Variants in MYO18B observed in about 807,000 individuals in gnomAD.
MYO18B encodes the protein myosin XVIIIB, also known as unconventional myosin-XVIIIb.
In MYO18B, 204 loss-of-function variants were observed where a neutral mutation model predicts 273.0. The ratio of observed to expected loss-of-function variants is 0.75; its 90% CI spans 0.67 to 0.84. MYO18B has a LOEUF of 0.84. MYO18B is among the 40% of genes least tolerant of loss of function. MYO18B has a pLI of 0.00. For missense variants in MYO18B, 3,212 were observed against 3,287.6 expected, an observed-to-expected ratio of 0.98 and a Z score of 0.56; for synonymous variants, 1,330 against 1,305.7, an observed-to-expected ratio of 1.02 and a Z score of -0.40.
chr22:25,768,924 C>T lies in MYO18B; in HGVS notation c.1008C>T (p.Asp336=), dbSNP rs767233606. ...GGGACGGTCCCCAGAATAAGAAGGA[C>T]AAAGAAGGGGTGCTCTTAAGTAAGG... ...SKWDGPQNKK[D]KEGVLLSKAE... is the part of the protein sequence containing the mutation. Residue 336 remains aspartate, a synonymous_variant, in exon 4 of 44, where the codon GAC becomes GAT. Transcript: ENST00000335473. 1.2e-6 allele frequency: 2 copies of T among 1,612,354 alleles called. No individual in the cohort carries two copies. The highest frequency in any genetic ancestry group is 4.5e-5 in the East Asian group (2 of 44,854).
In MYO18B at chr22:25,768,609, G is replaced by A. The variant is rs371846989; in HGVS notation, c.693G>A (p.Leu231=). The A allele has an allele frequency of 1.2e-5, 18 of 1,525,542 alleles. No homozygotes were observed. The highest frequency in any genetic ancestry group is 2.2e-5 in the Admixed American group (1 of 44,452). 94.5% of individuals were successfully genotyped at this position (1,525,542 alleles called of 1,614,324 possible). A position where few individuals can be genotyped will look rare whatever the true frequency, so the allele number is the denominator to read the frequency against. ...ACCCAGGCCAAGGAACTGTGGCACT[G>A]AAAAAAGGCGAGGAGGGTCAAAGCA... The part of the protein sequence containing the change: ...LGDPGQGTVA[L]KKGEEGQSIV... The change falls in exon 4 of 44, where the codon CTG becomes CTA. Residue 231 remains leucine, a synonymous_variant. Coordinates refer to ENST00000335473, the MANE Select transcript of MYO18B (RefSeq NM_032608.7).
Position 25,846,279 on chromosome 22 carries a change from A to C in MYO18B, c.3548A>C (p.Gln1183Pro), listed in dbSNP as rs1355752028. 20 of 1,611,326 alleles carry C rather than the reference A, an allele frequency of 1.2e-5. No homozygotes were observed. The highest frequency in any genetic ancestry group is 1.6e-5 in the Non-Finnish European group (19 of 1,179,744). Reference protein sequence around the residue: ...RKAPCSQIKLQMDALTSMIKR... With the variant: ...RKAPCSQIKLPMDALTSMIKR... ...GCCCCGTGCTCCCAGATCAAGCTGC[A>C]GATGGTGAGTGGGCACCCTGTCTCA... Residue 1183 changes from glutamine to proline, a missense_variant, in exon 19 of 44, where the codon CAG (glutamine) becomes CCG (proline). Gln to Pro is a moderately conservative substitution (Grantham distance 76). Transcript: ENST00000335473.
At position 25,768,374 on chromosome 22, in the gene MYO18B, T is replaced by C; in HGVS notation, c.458T>C (p.Val153Ala). Residue 153 changes from valine (V) to alanine (A), a missense_variant, in exon 4 of 44, where the codon GTG (valine) becomes GCG (alanine). Physicochemically the swap from Val to Ala is moderately conservative, Grantham distance 64. Transcript: ENST00000335473. Reference sequence around the variant, plus strand: ...AAGAGGGGCGTGAGGAGGGGTGATGTGTTGTTGATGGTGGCCAAGCTGGAC... The same window carrying C: ...AAGAGGGGCGTGAGGAGGGGTGATGCGTTGTTGATGGTGGCCAAGCTGGAC... Reference protein sequence around the residue: ...PFKRGVRRGDVLLMVAKLDPD... With the variant: ...PFKRGVRRGDALLMVAKLDPD... The C allele has an allele frequency of 6.2e-7, 1 of 1,613,120 alleles. No individual in the cohort carries two copies. Among genetic ancestry groups the C allele is most frequent in the Non-Finnish European group, 8.5e-7 (1 of 1,179,626 alleles).
intron 31 of MYO18B, among the ~76,000 whole-genome samples, chr22:25,904,686 GTACT>G (rs1432758345): frequency 3.3e-5 from 5 of 152,124 alleles, no homozygotes; most frequent in Non-Finnish European, 7.4e-5. Context: ...GCTTATTTAT[GTACT>G]TACTTATTTA....
At chr22:26,045,089 A>G in the MYO18B span, among the ~76,000 whole-genome samples, 2 of 151,240 alleles carry the variant, frequency 1.3e-5, no homozygotes, top group Non-Finnish European at 2.9e-5. Flanking sequence ...TTTTTTGCAA[A>G]CAGAATGAGG....
At chr22:25,761,379 A>AGGT in intron 2 of MYO18B, among the ~76,000 whole-genome samples, 36 of 151,400 alleles carry the variant, frequency 2.4e-4, no homozygotes, top group East Asian at 7.8e-4. Context: ...CCTGTTCCAC[A>AGGT]GGTGGTGGTG....
intron 27 of MYO18B, among the ~76,000 whole-genome samples, chr22:25,892,042 A>C (rs2091676038): frequency 6.6e-6 from 1 of 152,156 alleles, no homozygotes; most frequent in Non-Finnish European, 1.5e-5. Context: ...AATTTTGAGG[A>C]AGGCTGTCTA....
At chr22:26,021,439 C>T (rs756158159) in intron 42 of MYO18B, among the ~76,000 whole-genome samples, 30 of 152,208 alleles carry the variant, frequency 2.0e-4, no homozygotes, top group Non-Finnish European at 7.3e-5. Context: ...GCAATTCACT[C>T]ATGTATCCAA....
chr22:25,799,045 A>C (rs988736199), intron 12 of MYO18B, among the ~76,000 whole-genome samples: 1 of 151,590 alleles, frequency 6.6e-6, no homozygotes, highest in Non-Finnish European at 1.5e-5. Context: ...CCAATCATTC[A>C]CTATGTTCCA....
At chr22:25,784,150 A>C (rs1189197187) in intron 10 of MYO18B, among the ~76,000 whole-genome samples, 3 of 152,024 alleles carry the variant, frequency 2.0e-5, no homozygotes, top group Admixed American at 6.5e-5. Context: ...TGGTTCAAAA[A>C]CCTGCCAGCG....
intron 12 of MYO18B, among the ~76,000 whole-genome samples, chr22:25,810,818 C>G (rs891241656): frequency 6.6e-6 from 1 of 152,038 alleles, no homozygotes; most frequent in African/African-American, 2.4e-5. Context: ...TCTCCCTGTC[C>G]CCACAGCTCT....
chr22:25,910,055 G>A (rs2331192), intron 32 of MYO18B, among the ~76,000 whole-genome samples: 137,168 of 152,168 alleles, frequency 0.9, 62,211 homozygotes, highest in Middle Eastern at 0.97. Flanking sequence ...ACAGTAGGGT[G>A]TTTGCTCTAG....
chr22:25,874,981 ACT>A (rs2091151401), intron 23 of MYO18B, among the ~76,000 whole-genome samples: 1 of 152,106 alleles, frequency 6.6e-6, no homozygotes, highest in African/African-American at 2.4e-5. Flanking sequence ...TGCTCAATAA[ACT>A]CTAGCTGCTA....
chr22:25,870,749 G>A lies in MYO18B; in HGVS notation c.3951+2364G>A, dbSNP rs73879576. Among the ~76,000 whole-genome samples the A allele has an allele frequency of 8.8e-3, 1,334 of 152,252 alleles. 15 individuals carry two copies. Among genetic ancestry groups the A allele is most frequent in the African/African-American group, 0.03 (1,244 of 41,524 alleles). On this transcript the variant is annotated intron_variant, in intron 22 of 43. Transcript: ENST00000335473. ...GAAACACCCCAGACCTAGTAAATCAGAAACTCTGGAGGGGGGCAGGGCTGG... is the reference window on the plus strand; with the variant it reads ...GAAACACCCCAGACCTAGTAAATCAAAAACTCTGGAGGGGGGCAGGGCTGG...
At chr22:25,835,914 A>G (rs2089883376) in intron 17 of MYO18B, among the ~76,000 whole-genome samples, 2 of 152,310 alleles carry the variant, frequency 1.3e-5, no homozygotes, top group South Asian at 4.1e-4. Flanking sequence ...TTAACCCTAG[A>G]GCAACGAGAA....
intron 39 of MYO18B, among the ~76,000 whole-genome samples, chr22:25,960,524 A>G (rs1224271089): frequency 2.0e-5 from 3 of 152,128 alleles, no homozygotes; most frequent in Non-Finnish European, 4.4e-5. Context: ...CCTTTTCACA[A>G]GTTCCCCAGG....
intron 12 of MYO18B, among the ~76,000 whole-genome samples, chr22:25,815,883 G>T (rs2088978860): frequency 1.3e-5 from 2 of 152,228 alleles, no homozygotes; most frequent in East Asian, 3.8e-4. Flanking sequence ...AGAACACTGG[G>T]AATGGTTTGT....
intron 31 of MYO18B, among the ~76,000 whole-genome samples, chr22:25,906,302 A>ATG (rs398071705): frequency 1.3e-5 from 2 of 152,044 alleles, no homozygotes; most frequent in Non-Finnish European, 2.9e-5. Flanking sequence ...GAAATATTAT[A>ATG]GTTACTTGCT....
intron 16 of MYO18B, among the ~76,000 whole-genome samples, chr22:25,834,453 G>A (rs374109010): frequency 2.6e-5 from 4 of 152,186 alleles, no homozygotes; most frequent in African/African-American, 7.2e-5. Flanking sequence ...CCCTGGATGT[G>A]CCCCTTCCCC....
Sources: gnomAD v4.1 joint callset for allele counts (sites outside exome capture counted in the v4.1 genomes callset) on GRCh38, gnomAD v4.1.1 for gene constraint, MANE v1.5 for transcripts, NCBI Gene and HGNC (gene_info 2026-07-23, HGNC 2026-07-21) for gene names.